The following MYLK variants were observed in gnomAD, a reference collection of about 807,000 sequenced individuals.
The protein encoded by MYLK is myosin light chain kinase.
A neutral mutation model predicts 203.4 loss-of-function variants in MYLK; 106 were observed. That is an observed-to-expected ratio of 0.52 (90% CI 0.45 to 0.61). The LOEUF (loss-of-function observed/expected upper bound fraction) is 0.61, where lower values mean the gene tolerates loss of function less well. Among genes scored for constraint, MYLK ranks in the 20% least tolerant of loss-of-function variants. The probability of loss-of-function intolerance (pLI) is 0.00; values close to 1 mark genes in which losing one functional copy is unlikely to be tolerated. For synonymous variants in MYLK, 867 were observed against 959.5 expected, an observed-to-expected ratio of 0.90 and a Z score of 1.78; for missense variants, 2,072 against 2,442.3, an observed-to-expected ratio of 0.85 and a Z score of 3.20.
chr3:123,640,185 G>A lies in MYLK; in HGVS notation c.4837+102C>T. ...AACCTGGGAAGTCTTCATGGTCTCG[G>A]ATTTAACCCCAATACTGTATGTTTC... On this transcript the variant is annotated intron_variant, in intron 28 of 33. Transcript: ENST00000360304. This position sits in a 1 kb window ranked among gnomAD's most constrained non-coding sequence, Gnocchi z 4.3. 1.7e-6 allele frequency: 2 copies of A among 1,148,686 alleles called. No individual in the cohort carries two copies. The highest frequency in any genetic ancestry group is 1.2e-5 in the South Asian group (1 of 80,050). The allele number at this position is 1,148,686 out of a possible 1,614,324, so 71.2% of individuals were successfully genotyped here.
At chr3:123,829,346 A>C (rs911459525) in intron 3 of MYLK, among the ~76,000 whole-genome samples, 4 of 152,236 alleles carry the variant, frequency 2.6e-5, no homozygotes, top group African/African-American at 9.6e-5. Context: ...AGGAACAGAA[A>C]GTTAGACATG....
In MYLK at chr3:123,640,894, C is replaced by G. The variant is rs1260656948; in HGVS notation, c.4620-390G>C. 1.3e-5 allele frequency among the ~76,000 whole-genome samples: 2 copies of G among 152,230 alleles called. No individual in the cohort carries two copies. The highest frequency in any genetic ancestry group is 2.9e-5 in the Non-Finnish European group (2 of 68,036). ...TTGTACTCTAGCCGTGTCTTTTAGT[C>G]ACAGGGAACTCAAGTTCAAAATACT... On this transcript the variant is annotated intron_variant, in intron 27 of 33. Coordinates refer to ENST00000360304, the MANE Select transcript of MYLK (RefSeq NM_053025.4). This position sits in a 1 kb window ranked among gnomAD's most constrained non-coding sequence, Gnocchi z 4.3.
intron 4 of MYLK, among the ~76,000 whole-genome samples, chr3:123,791,888 C>G (rs2064797074): frequency 1.3e-5 from 2 of 152,214 alleles, no homozygotes; most frequent in African/African-American, 4.8e-5. Context: ...CCAAAGTATA[C>G]TTTCTAACTT....
chr3:123,848,859 G>C (rs1448552385), intron 2 of MYLK, among the ~76,000 whole-genome samples: 1 of 152,158 alleles, frequency 6.6e-6, no homozygotes, highest in Non-Finnish European at 1.5e-5. Context: ...GAAACTTCTT[G>C]TTATATGGCA....
intron 31 of MYLK, chr3:123,624,105 G>A (rs1178860613): frequency 6.6e-6 from 1 of 152,114 alleles, no homozygotes; most frequent in Non-Finnish European, 1.5e-5. Flanking sequence ...AGCATCGCTT[G>A]AGGCCAGGAG....
chr3:123,752,518 G>C lies in MYLK; in HGVS notation c.186C>G (p.Pro62=). The change falls in exon 5 of 34, where the codon CCC becomes CCG. Residue 62 remains proline (P), a synonymous_variant. Coordinates refer to ENST00000360304, the MANE Select transcript of MYLK (RefSeq NM_053025.4). ...FEGRVRGYPE[P]QVTWHRNGQP... is the part of the protein sequence containing the mutation. The stretch of plus-strand genomic sequence containing the variant: ...GCCCGTTTCTGTGCCATGTCACCTG[G>C]GGCTCTGGGTAACCCCGGACCTTCA... 2.5e-6 allele frequency: 4 copies of C among 1,613,760 alleles called. No individual in the cohort carries two copies. The highest frequency in any genetic ancestry group is 3.4e-6 in the Non-Finnish European group (4 of 1,179,984).
chr3:123,744,008 G>A (rs991114698), intron 5 of MYLK, among the ~76,000 whole-genome samples: 2 of 152,172 alleles, frequency 1.3e-5, no homozygotes, highest in African/African-American at 4.8e-5. Flanking sequence ...CAACTTCAAA[G>A]TGTTTTTTGA....
chr3:123,812,337 A>C (rs1284749753), intron 3 of MYLK, among the ~76,000 whole-genome samples: 2 of 152,232 alleles, frequency 1.3e-5, no homozygotes, highest in African/African-American at 4.8e-5. Context: ...TTTCAGTTTA[A>C]GACTTTGCAG....
intron 2 of MYLK, among the ~76,000 whole-genome samples, chr3:123,851,632 A>C (rs545131335): frequency 6.6e-6 from 1 of 152,220 alleles, no homozygotes; most frequent in South Asian, 2.1e-4. Context: ...TATCAGCTTA[A>C]GGAGATTTTG....
chr3:123,650,037 G>A (rs547903896), intron 24 of MYLK, among the ~76,000 whole-genome samples: 8 of 152,248 alleles, frequency 5.3e-5, no homozygotes, highest in East Asian at 1.9e-4. Flanking sequence ...AACAGGGTCC[G>A]GGGAACAGGA....
chr3:123,675,782 G>A (rs2060053892), intron 20 of MYLK, among the ~76,000 whole-genome samples: 1 of 152,210 alleles, frequency 6.6e-6, no homozygotes, highest in African/African-American at 2.4e-5. Flanking sequence ...CTGTATCGGA[G>A]CAGGAAGGAG....
Position 123,843,464 on chromosome 3 carries a change from G to A in MYLK, c.-126-11794C>T, listed in dbSNP as rs561013248. Among the ~76,000 whole-genome samples, 5 of 152,226 alleles carry A rather than the reference G, an allele frequency of 3.3e-5. No individual in the cohort carries two copies. In the East Asian group the frequency reaches 9.7e-4, roughly 29 times the overall value. ...GACAAGGAGACTATATATGTAGCTT[G>A]CTTCAAACAGATTCATGTTCTAATA... On this transcript the variant is annotated intron_variant, in intron 2 of 33. Transcript: ENST00000360304.
At chr3:123,632,150 C>T (rs1307317151) in intron 29 of MYLK, among the ~76,000 whole-genome samples, 1 of 152,126 alleles carries the variant, frequency 6.6e-6, no homozygotes, top group African/African-American at 2.4e-5. Flanking sequence ...GCTGGGATTA[C>T]AGGCATGAGC....
At chr3:123,782,042 A>G (rs2064319705) in intron 4 of MYLK, among the ~76,000 whole-genome samples, 1 of 152,196 alleles carries the variant, frequency 6.6e-6, no homozygotes, top group African/African-American at 2.4e-5. Context: ...TACAACAGAC[A>G]CATCACAGAA....
intron 1 of MYLK, among the ~76,000 whole-genome samples, chr3:123,878,353 G>A (rs1475394654): frequency 1.3e-5 from 2 of 152,152 alleles, no homozygotes; most frequent in African/African-American, 2.4e-5. Context: ...CCCCAAACCC[G>A]GGGCATCTTC....
At chr3:123,784,527 T>C (rs1031930256) in intron 4 of MYLK, among the ~76,000 whole-genome samples, 2 of 152,036 alleles carry the variant, frequency 1.3e-5, no homozygotes, top group Non-Finnish European at 2.9e-5. Flanking sequence ...TATTTTTCTC[T>C]TCCTCTGTTT....
intron 18 of MYLK, among the ~76,000 whole-genome samples, chr3:123,694,919 GT>G (rs942574132): frequency 5.9e-4 from 89 of 152,098 alleles, no homozygotes; most frequent in Non-Finnish European, 1.1e-3. Flanking sequence ...TTTCCCAGAG[GT>G]TTTTTTTTGA....
rs574191266 is a variant in MYLK, at chr3:123,765,038, C to T, written c.166-12500G>A. On this transcript the variant is annotated intron_variant, in intron 4 of 33. Coordinates refer to ENST00000360304, the MANE Select transcript of MYLK (RefSeq NM_053025.4). ...TTTCTTTAAAAACTCATTTTAAGGA[C>T]ACCATTATTTTTAAAAAAAGCAATA... Among the ~76,000 whole-genome samples the T allele has an allele frequency of 6.6e-5, 10 of 152,180 alleles. No homozygotes were observed. The East Asian group carries it at 1.9e-3, about 29-fold the overall frequency.
At position 123,713,579 on chromosome 3, in the gene MYLK, ATGTGTGTG is replaced by A. The variant is rs3085274; in HGVS notation, c.1805-3694_1805-3687del. 3.8e-3 allele frequency among the ~76,000 whole-genome samples: 512 copies of A among 136,474 alleles called. 1 individual carries two copies. The highest frequency in any genetic ancestry group is 0.014 in the Middle Eastern group (4 of 288). The allele number at this position is 136,474 out of a possible 152,430, so 89.5% of individuals were successfully genotyped here. A position where few individuals can be genotyped will look rare whatever the true frequency, so the allele number is the denominator to read the frequency against. On this transcript the variant is annotated intron_variant, in intron 13 of 33. Coordinates refer to ENST00000360304, the MANE Select transcript of MYLK (RefSeq NM_053025.4). ...CAAGCCAGGTGAAAAGAGCAACACAATGTGTGTGTGTGTGTGTGTGTGTGTGTGTGTGT... is the reference window on the plus strand; with the variant it reads ...CAAGCCAGGTGAAAAGAGCAACACAATGTGTGTGTGTGTGTGTGTGTGTGT...
Sources: allele counts gnomAD v4.1 joint callset (sites outside exome capture counted in the v4.1 genomes callset), GRCh38; gene constraint gnomAD v4.1.1; non-coding constraint Gnocchi (gnomAD v3.1); transcripts MANE v1.5; gene names NCBI Gene and HGNC (gene_info 2026-07-23, HGNC 2026-07-21).